The following LRBA variants were observed in gnomAD, a reference collection of about 807,000 sequenced individuals.
LRBA encodes the protein LPS responsive beige-like anchor protein.
LRBA carries 176 observed loss-of-function variants against 330.0 expected under a neutral mutation model. The ratio of observed to expected loss-of-function variants is 0.53; its 90% confidence interval spans 0.47 to 0.60. The LOEUF is 0.60. LRBA is among the 20% of genes least tolerant of loss of function. LRBA has a pLI of 0.00. For synonymous variants in LRBA, 1,230 were observed against 1,193.0 expected (o/e 1.03, Z -0.64); for missense variants, 3,259 against 3,444.8 (o/e 0.95, Z 1.35).
At chr4:150,762,792 CAAATCAA>C (rs1481253592) in intron 34 of LRBA, among the ~76,000 whole-genome samples, 4 of 151,768 alleles carry the variant, frequency 2.6e-5, no homozygotes, top group Non-Finnish European at 5.9e-5. Context: ...TCATAAAACC[CAAATCAA>C]AAGGCCATGT....
intron 2 of LRBA, among the ~76,000 whole-genome samples, chr4:151,003,328 C>T (rs891199765): frequency 2.8e-5 from 4 of 143,192 alleles, no homozygotes; most frequent in South Asian, 4.5e-4. Context: ...ACCTGGGAGG[C>T]GAAGGTTACA....
chr4:150,462,369 G>A (rs971944961), intron 44 of LRBA, among the ~76,000 whole-genome samples: 2 of 151,626 alleles, frequency 1.3e-5, no homozygotes, highest in Admixed American at 6.6e-5. Flanking sequence ...ATTTTCACCA[G>A]TCTTTCAGAA....
Position 150,304,896 on chromosome 4 carries a change from A to C in LRBA, c.7850-2104T>G, listed in dbSNP as rs1013600296. Among the ~76,000 whole-genome samples the C allele has an allele frequency of 9.2e-5, 14 of 152,246 alleles. No individual in the cohort carries two copies. The East Asian group carries it at 2.5e-3, about 27-fold the overall frequency. ...ATCCATGTATTTTAACTACTGAAAG[A>C]AATACATCATATATACATCATACAT... is the stretch of plus-strand genomic sequence containing the variant. On this transcript the variant is annotated intron_variant, in intron 52 of 56. Coordinates refer to ENST00000651943, the MANE Select transcript of LRBA (RefSeq NM_001364905.1).
intron 4 of LRBA, among the ~76,000 whole-genome samples, chr4:150,927,385 A>T (rs1734002757): frequency 6.6e-6 from 1 of 151,956 alleles, no homozygotes; most frequent in South Asian, 2.1e-4. Flanking sequence ...AAAAAAAAAA[A>T]AAAAAATTTA....
intron 34 of LRBA, among the ~76,000 whole-genome samples, chr4:150,773,479 A>G (rs1736851859): frequency 6.6e-6 from 1 of 152,256 alleles, no homozygotes; most frequent in Non-Finnish European, 1.5e-5. Context: ...CCACCTGGTT[A>G]TGCTTATAAT....
At chr4:150,576,267 T>G (rs1770534506) in intron 40 of LRBA, among the ~76,000 whole-genome samples, 1 of 151,598 alleles carries the variant, frequency 6.6e-6, no homozygotes, top group African/African-American at 2.4e-5. Flanking sequence ...CAGAACTGCT[T>G]AACTATGTAT....
intron 47 of LRBA, among the ~76,000 whole-genome samples, chr4:150,353,232 C>T (rs1314670563): frequency 6.6e-6 from 1 of 152,004 alleles, no homozygotes; most frequent in African/African-American, 2.4e-5. Flanking sequence ...AGAACTTATA[C>T]TTATTTATGT....
chr4:150,273,021 A>C (rs1746326307), intron 56 of LRBA, among the ~76,000 whole-genome samples: 1 of 152,182 alleles, frequency 6.6e-6, no homozygotes, highest in Admixed American at 6.5e-5. Flanking sequence ...GATTATGTGA[A>C]GGTAGAAATG....
chr4:150,960,618 A>G (rs139770369), intron 2 of LRBA, among the ~76,000 whole-genome samples: 1 of 149,292 alleles, frequency 6.7e-6, no homozygotes, highest in African/African-American at 2.6e-5. Flanking sequence ...TGAGGGAGAG[A>G]GGCAGTTGTA....
intron 30 of LRBA, among the ~76,000 whole-genome samples, chr4:150,819,785 C>T (rs556129072): frequency 6.6e-6 from 1 of 152,222 alleles, no homozygotes; most frequent in African/African-American, 2.4e-5. Flanking sequence ...TTCTAATCCT[C>T]TAGCCTCTTG....
chr4:150,380,638 T>C (rs1742073660), intron 47 of LRBA, among the ~76,000 whole-genome samples: 1 of 152,060 alleles, frequency 6.6e-6, no homozygotes, highest in African/African-American at 2.4e-5. Flanking sequence ...GAAAAGAAGA[T>C]GTCTACTTAT....
intron 40 of LRBA, among the ~76,000 whole-genome samples, chr4:150,587,188 C>T (rs1278748045): frequency 6.6e-6 from 1 of 152,128 alleles, no homozygotes; most frequent in African/African-American, 2.4e-5. Context: ...CTTTGAAATA[C>T]TTCTAAATCA....
intron 47 of LRBA, among the ~76,000 whole-genome samples, chr4:150,350,822 A>C (rs1440795611): frequency 6.6e-6 from 1 of 152,188 alleles, no homozygotes; most frequent in Non-Finnish European, 1.5e-5. Flanking sequence ...GGCAAAGACT[A>C]TTTTGGGAAA....
At chr4:150,522,332 T>C (rs1011036602) in intron 40 of LRBA, among the ~76,000 whole-genome samples, 1 of 152,186 alleles carries the variant, frequency 6.6e-6, no homozygotes, top group Non-Finnish European at 1.5e-5. Context: ...AAAAGAGAAA[T>C]TGTTGTCAAG....
intron 20 of LRBA, among the ~76,000 whole-genome samples, chr4:150,869,359 T>C (rs1753147928): frequency 6.6e-6 from 1 of 152,222 alleles, no homozygotes. Flanking sequence ...ACTATTGTAA[T>C]GGTCTTAGCA....
chr4:150,451,695 G>A (rs956493054), intron 44 of LRBA, among the ~76,000 whole-genome samples: 1 of 151,832 alleles, frequency 6.6e-6, no homozygotes, highest in Non-Finnish European at 1.5e-5. Flanking sequence ...AATATAGTAT[G>A]GAAAGCAAAG....
chr4:150,457,041 G>A (rs1209796849), intron 44 of LRBA, among the ~76,000 whole-genome samples: 1 of 151,920 alleles, frequency 6.6e-6, no homozygotes, highest in Admixed American at 6.6e-5. Flanking sequence ...AGTTCAACGG[G>A]ATGTGTATCC....
intron 44 of LRBA, among the ~76,000 whole-genome samples, chr4:150,438,813 T>G (rs1219546220): frequency 6.6e-6 from 1 of 152,212 alleles, no homozygotes; most frequent in Non-Finnish European, 1.5e-5. Flanking sequence ...TTCAAAACTA[T>G]CTTTGGCATC....
intron 56 of LRBA, among the ~76,000 whole-genome samples, chr4:150,266,578 T>G (rs1165456750): frequency 6.6e-6 from 1 of 152,046 alleles, no homozygotes; most frequent in African/African-American, 2.4e-5. Context: ...TCCTAGTACC[T>G]CGTATCAAAA....
Sources: allele counts gnomAD v4.1 joint callset (sites outside exome capture counted in the v4.1 genomes callset), GRCh38; gene constraint gnomAD v4.1.1; transcripts MANE v1.5; gene names NCBI Gene and HGNC (gene_info 2026-07-23, HGNC 2026-07-21).